Variants in FSTL4 observed in about 807,000 individuals in gnomAD.
FSTL4 encodes the protein follistatin like 4.
A neutral mutation model predicts 78.2 loss-of-function variants in FSTL4; 28 were observed. That is an observed-to-expected ratio of 0.36 (90% confidence interval 0.27 to 0.49). The LOEUF is 0.49. Ranked by LOEUF, FSTL4 falls within the 20% of genes least tolerant of loss-of-function variation. FSTL4 has a pLI of 0.98. For synonymous variants in FSTL4, 422 were observed against 440.5 expected, an observed-to-expected ratio of 0.96 and a Z score of 0.53; for missense variants, 922 against 1,084.9, an observed-to-expected ratio of 0.85 and a Z score of 2.11.
chr5:133,510,137 T>C (rs549582405), intron 3 of FSTL4, among the ~76,000 whole-genome samples: 4 of 152,350 alleles, frequency 2.6e-5, no homozygotes, highest in African/African-American at 9.6e-5. Flanking sequence ...CATTTTACAG[T>C]TGAAAGAACT....
the FSTL4 span, among the ~76,000 whole-genome samples, chr5:133,692,081 G>C: frequency 2.0e-5 from 3 of 152,242 alleles, no homozygotes; most frequent in Non-Finnish European, 4.4e-5. Context: ...GCTGGAAAGA[G>C]AGGTGCAGCA....
At chr5:133,262,643 G>A (rs1752560328) in intron 6 of FSTL4, among the ~76,000 whole-genome samples, 2 of 152,160 alleles carry the variant, frequency 1.3e-5, no homozygotes, top group Non-Finnish European at 1.5e-5. Flanking sequence ...CCCAGCCTGC[G>A]GGATGGTAAC....
chr5:133,506,243 T>G (rs1758609621), intron 3 of FSTL4, among the ~76,000 whole-genome samples: 1 of 152,222 alleles, frequency 6.6e-6, no homozygotes, highest in Non-Finnish European at 1.5e-5. Flanking sequence ...TTAGTCCATG[T>G]GTTTCCCTAA....
At chr5:133,556,264 A>G (rs568054743) in intron 3 of FSTL4, among the ~76,000 whole-genome samples, 7 of 152,350 alleles carry the variant, frequency 4.6e-5, no homozygotes, top group African/African-American at 1.7e-4. Flanking sequence ...TTTTAAATTT[A>G]CAAAATAAGA....
chr5:133,725,623 G>A, the FSTL4 span, among the ~76,000 whole-genome samples: 1 of 152,280 alleles, frequency 6.6e-6, no homozygotes, highest in Admixed American at 6.5e-5. Context: ...GTACTCACAG[G>A]TATGTGGAGG....
the FSTL4 span, among the ~76,000 whole-genome samples, chr5:133,696,098 C>T: frequency 2.0e-5 from 3 of 152,330 alleles, no homozygotes; most frequent in Middle Eastern, 3.4e-3. Context: ...CCCACTGTGT[C>T]GTCTAAAGAA....
chr5:133,752,359 T>A, the FSTL4 span, among the ~76,000 whole-genome samples: 1 of 152,148 alleles, frequency 6.6e-6, no homozygotes, highest in East Asian at 1.9e-4. Context: ...GCTGAGCCTA[T>A]AGGTTTTCCC....
chr5:133,655,815 A>G, the FSTL4 span, among the ~76,000 whole-genome samples: 1 of 152,184 alleles, frequency 6.6e-6, no homozygotes, highest in Non-Finnish European at 1.5e-5. Context: ...ACCTCATGTC[A>G]GGCTGTATTC....
At chr5:133,233,764 G>A (rs904675283) in intron 7 of FSTL4, among the ~76,000 whole-genome samples, 2 of 152,120 alleles carry the variant, frequency 1.3e-5, no homozygotes, top group African/African-American at 4.8e-5. Flanking sequence ...AAGGCCTTGT[G>A]TACCTGGCCC....
intron 3 of FSTL4, among the ~76,000 whole-genome samples, chr5:133,452,815 G>T (rs1757410928): frequency 6.6e-6 from 1 of 152,222 alleles, no homozygotes; most frequent in Non-Finnish European, 1.5e-5. Flanking sequence ...CTGCCAGAGA[G>T]AACACACATG....
intron 3 of FSTL4, among the ~76,000 whole-genome samples, chr5:133,507,593 G>C (rs1308325126): frequency 2.7e-5 from 4 of 149,288 alleles, no homozygotes; most frequent in Middle Eastern, 3.4e-3. Flanking sequence ...CATGATCTCA[G>C]CTCACTGCAA....
At chr5:133,653,008 C>T in the FSTL4 span, among the ~76,000 whole-genome samples, 2 of 152,116 alleles carry the variant, frequency 1.3e-5, no homozygotes, top group African/African-American at 4.8e-5. Context: ...AGAAAATAGT[C>T]TATATAGAAG....
At chr5:133,731,721 G>A in the FSTL4 span, among the ~76,000 whole-genome samples, 51 of 152,236 alleles carry the variant, frequency 3.4e-4, no homozygotes, top group African/African-American at 1.1e-3. Flanking sequence ...GCTGCCGGCC[G>A]GCAGTGGGAT....
chr5:133,531,456 G>T (rs987234817), intron 3 of FSTL4, among the ~76,000 whole-genome samples: 1 of 152,134 alleles, frequency 6.6e-6, no homozygotes, highest in Non-Finnish European at 1.5e-5. Flanking sequence ...ATATCCCCTG[G>T]AAAGACTGAG....
intron 3 of FSTL4, among the ~76,000 whole-genome samples, chr5:133,446,135 C>T (rs1011265341): frequency 2.0e-5 from 3 of 152,182 alleles, no homozygotes; most frequent in African/African-American, 7.2e-5. Context: ...TATTTGAGCC[C>T]CACCAAAACC....
chr5:133,569,529 G>C (rs1348576518), intron 2 of FSTL4, among the ~76,000 whole-genome samples: 1 of 152,180 alleles, frequency 6.6e-6, no homozygotes, highest in East Asian at 1.9e-4. Context: ...AGTGGAATGT[G>C]GGTTGGGATG....
At chr5:133,516,105 A>C (rs1243039065) in intron 3 of FSTL4, among the ~76,000 whole-genome samples, 1 of 152,182 alleles carries the variant, frequency 6.6e-6, no homozygotes, top group Non-Finnish European at 1.5e-5. Flanking sequence ...GTGATAATTT[A>C]CCAATATCAT....
the FSTL4 span, among the ~76,000 whole-genome samples, chr5:133,635,608 A>G: frequency 0.28 from 42,912 of 151,976 alleles, 6,344 homozygotes; most frequent in Non-Finnish European, 0.32. Context: ...TACTAAAAAT[A>G]CAAAATTAGC....
At chr5:133,616,173 G>T (rs956645454), upstream of FSTL4, among the ~76,000 whole-genome samples, 11 of 152,180 alleles carry the variant, frequency 7.2e-5, no homozygotes, top group African/African-American at 2.4e-4. Flanking sequence ...TAGGCAAAAG[G>T]GATGAAAGAG....
Sources: allele counts gnomAD v4.1 joint callset (sites outside exome capture counted in the v4.1 genomes callset), GRCh38; gene constraint gnomAD v4.1.1; transcripts MANE v1.5; gene names NCBI Gene and HGNC (gene_info 2026-07-23, HGNC 2026-07-21).